Variants in CHSY3 observed in about 807,000 individuals in gnomAD.
CHSY3 encodes chondroitin sulfate synthase 3.
CHSY3 carries 35 observed loss-of-function variants against 67.2 expected under a neutral mutation model. That is an observed-to-expected ratio of 0.52 (90% confidence interval 0.40 to 0.69). CHSY3 has a LOEUF of 0.69. Ranked by LOEUF, CHSY3 falls within the 30% of genes least tolerant of loss-of-function variation. CHSY3 has a pLI of 0.00. For synonymous variants in CHSY3, 474 were observed against 434.7 expected (o/e 1.09, Z -1.12); for missense variants, 1,069 against 1,138.5 (o/e 0.94, Z 0.88).
intron 2 of CHSY3, among the ~76,000 whole-genome samples, chr5:130,041,151 C>A (rs1764995944): frequency 6.6e-6 from 1 of 151,904 alleles, no homozygotes; most frequent in Non-Finnish European, 1.5e-5. Flanking sequence ...ATTGTCTTAC[C>A]CCCCAAAAAA....
At chr5:130,018,089 C>G (rs1764264638) in intron 2 of CHSY3, among the ~76,000 whole-genome samples, 1 of 152,212 alleles carries the variant, frequency 6.6e-6, no homozygotes, top group South Asian at 2.1e-4. Context: ...TGTTTTTTAA[C>G]AGACAAATTG....
At chr5:129,977,349 C>G (rs1299973620) in intron 2 of CHSY3, among the ~76,000 whole-genome samples, 1 of 152,154 alleles carries the variant, frequency 6.6e-6, no homozygotes, top group Admixed American at 6.5e-5. Context: ...CCTTTAAGAA[C>G]AATGCTTTAT....
intron 2 of CHSY3, among the ~76,000 whole-genome samples, chr5:130,038,570 A>C (rs1164323445): frequency 1.3e-5 from 2 of 152,140 alleles, no homozygotes; most frequent in Non-Finnish European, 2.9e-5. Context: ...GAAGAAAGGA[A>C]GCACATTCAA....
chr5:130,120,676 T>C (rs943709962), intron 2 of CHSY3, among the ~76,000 whole-genome samples: 1 of 152,044 alleles, frequency 6.6e-6, no homozygotes, highest in Non-Finnish European at 1.5e-5. Context: ...GTGTGAAAAG[T>C]GTGTAATAAT....
chr5:129,998,451 T>C (rs1417247418), intron 2 of CHSY3, among the ~76,000 whole-genome samples: 1 of 152,206 alleles, frequency 6.6e-6, no homozygotes, highest in Non-Finnish European at 1.5e-5. Flanking sequence ...ATAATTATTA[T>C]GGTAAATAAT....
intron 2 of CHSY3, among the ~76,000 whole-genome samples, chr5:130,165,114 A>G (rs972782296): frequency 1.3e-5 from 2 of 152,146 alleles, no homozygotes; most frequent in South Asian, 2.1e-4. Context: ...AGTGGATGGC[A>G]TTGACAGAAG....
At chr5:130,183,537 G>A (rs922568568) in intron 2 of CHSY3, among the ~76,000 whole-genome samples, 11 of 152,156 alleles carry the variant, frequency 7.2e-5, no homozygotes, top group Non-Finnish European at 1.5e-4. Context: ...TATTTTGGAA[G>A]ACTCATGCTG....
intron 2 of CHSY3, among the ~76,000 whole-genome samples, chr5:129,958,058 T>A (rs908808473): frequency 2.0e-5 from 3 of 152,192 alleles, no homozygotes; most frequent in Non-Finnish European, 4.4e-5. Context: ...ATTTTTAAAA[T>A]GTGAATTTTT....
rs1769104699 is a variant in CHSY3 at position 130,147,390 on chromosome 5, T to C, written c.1087-36839T>C. 3.3e-5 allele frequency among the ~76,000 whole-genome samples: 5 copies of C among 152,218 alleles called. 1 individual carries two copies. In the South Asian group the frequency reaches 1.0e-3, roughly 31 times the overall value. On this transcript the variant is annotated intron_variant, in intron 2 of 2. Transcript: ENST00000305031. ...AATTTGCATGGTTGCTTTATGTTAA[T>C]TAATGCATTTGTTTCCTTTTGTAAA...
At chr5:129,948,604 C>T (rs1200097454) in intron 2 of CHSY3, among the ~76,000 whole-genome samples, 1 of 152,150 alleles carries the variant, frequency 6.6e-6, no homozygotes, top group Admixed American at 6.6e-5. Context: ...GGCATTTTGG[C>T]TGGTTCCATA....
chr5:130,144,670 G>C (rs774658277), intron 2 of CHSY3, among the ~76,000 whole-genome samples: 4 of 151,802 alleles, frequency 2.6e-5, no homozygotes, highest in South Asian at 2.1e-4. Flanking sequence ...TTTTTTAATG[G>C]AACTAAAGAC....
chr5:129,993,632 A>G lies in CHSY3; in HGVS notation c.1086+85272A>G, dbSNP rs546756834. On this transcript the variant is annotated intron_variant, in intron 2 of 2. Coordinates refer to ENST00000305031, the MANE Select transcript of CHSY3 (RefSeq NM_175856.5). ...TGCACGTGAGATGGGTTTCCTGAAT[A>G]CAGCACACGGATGGGTCTTGACTCT... is the stretch of plus-strand genomic sequence containing the variant. Among the ~76,000 whole-genome samples, 48 of 152,132 alleles carry G rather than the reference A, an allele frequency of 3.2e-4. 1 individual carries two copies. In the South Asian group the frequency reaches 8.7e-3, roughly 28 times the overall value.
chr5:129,939,500 A>G (rs2089388434), intron 2 of CHSY3, among the ~76,000 whole-genome samples: 1 of 152,184 alleles, frequency 6.6e-6, no homozygotes, highest in African/African-American at 2.4e-5. Flanking sequence ...TTCAAGTGCC[A>G]TTTCACATAG....
At chr5:130,139,077 A>G (rs1420178860) in intron 2 of CHSY3, among the ~76,000 whole-genome samples, 1 of 152,238 alleles carries the variant, frequency 6.6e-6, no homozygotes, top group Non-Finnish European at 1.5e-5. Flanking sequence ...TCTAGGCAAC[A>G]GTAAGACAAT....
Position 130,174,298 on chromosome 5 carries a change from TA to T in CHSY3, c.1087-9919del, listed in dbSNP as rs1187464665. On this transcript the variant is annotated intron_variant, in intron 2 of 2. Transcript: ENST00000305031. ...TCCAAGTTAGAGGATCCTTTCTCGT[TA>T]AAAAAAAAAAAGTAGTAGCATAATG... Among the ~76,000 whole-genome samples, 328 of 144,126 alleles carry T rather than the reference TA, an allele frequency of 2.3e-3. 1 individual carries two copies. Among genetic ancestry groups the T allele is most frequent in the Middle Eastern group, 7.1e-3 (2 of 280 alleles). The allele number at this position is 144,126 out of a possible 152,430, so 94.6% of individuals were successfully genotyped here.
rs965184658 is a variant in CHSY3, at chr5:129,976,401, G to GC, written c.1086+68048dup. On this transcript the variant is annotated intron_variant, in intron 2 of 2. Transcript: ENST00000305031. ...GAAACCAGTTAATAAATAGGGATTT[G>GC]CCCCCCCATAACCAATCTCACCTTG... Among the ~76,000 whole-genome samples, 9 of 152,088 alleles carry GC rather than the reference G, an allele frequency of 5.9e-5. No individual in the cohort carries two copies. The East Asian group carries it at 7.7e-4, about 13-fold the overall frequency.
intron 2 of CHSY3, among the ~76,000 whole-genome samples, chr5:130,026,194 A>G (rs1238575940): frequency 1.3e-5 from 2 of 152,120 alleles, no homozygotes. Flanking sequence ...AAATTTCTGC[A>G]TGACCATGGA....
rs920548289 is a variant in CHSY3, at chr5:130,186,358, A to T, written c.*567A>T. ...ACCTATGATTGTATGTTTATTTTTT[A>T]AAAAAAGTTTTAAAAATTGAGGAGT... On this transcript the variant is annotated 3_prime_UTR_variant, in exon 3 of 3. Transcript: ENST00000305031. 13 of 150,664 alleles carry T rather than the reference A, an allele frequency of 8.6e-5. No individual in the cohort carries two copies. The highest frequency in any genetic ancestry group is 2.3e-4 in the African/African-American group (9 of 39,596). 9.3% of individuals were successfully genotyped at this position (150,664 alleles called of 1,614,324 possible).
chr5:130,143,120 A>G (rs1768920094), intron 2 of CHSY3, among the ~76,000 whole-genome samples: 1 of 152,184 alleles, frequency 6.6e-6, no homozygotes, highest in Non-Finnish European at 1.5e-5. Context: ...ATTACAACAG[A>G]CAAACTTTTT....
Sources: gnomAD v4.1 joint callset for allele counts (sites outside exome capture counted in the v4.1 genomes callset) on GRCh38, gnomAD v4.1.1 for gene constraint, MANE v1.5 for transcripts, NCBI Gene and HGNC (gene_info 2026-07-23, HGNC 2026-07-21) for gene names.